NBEAL1: variants seen among roughly 807,000 people sequenced by gnomAD.
NBEAL1 encodes neurobeachin like 1, also known as neurobeachin-like protein 1.
Under a neutral mutation model 351.3 loss-of-function variants are expected in NBEAL1, and 273 were observed. The ratio of observed to expected loss-of-function variants is 0.78; its 90% CI spans 0.70 to 0.86. The LOEUF (loss-of-function observed/expected upper bound fraction) is 0.86, where lower values mean the gene tolerates loss of function less well. NBEAL1 is among the 40% of genes least tolerant of loss of function. The pLI, the probability that NBEAL1 is intolerant of heterozygous loss-of-function variation, is 0.00. For missense variants in NBEAL1, 2,961 were observed against 3,201.3 expected (o/e 0.92, Z 1.81); for synonymous variants, 1,050 against 1,086.4 (o/e 0.97, Z 0.66).
At position 203,108,143 on chromosome 2, in the gene NBEAL1, C is replaced by T; in HGVS notation, c.1904C>T (p.Thr635Ile). 1 of 1,551,588 alleles carries T rather than the reference C, an allele frequency of 6.4e-7. No homozygotes were observed. Among genetic ancestry groups the T allele is most frequent in the Non-Finnish European group, 8.7e-7 (1 of 1,146,746 alleles). ...TTTTGCTTAGACCAGGATCAGTTGACTCTTGGCATTGCTAACAAAGGAGGG... is the reference window on the plus strand; with the variant it reads ...TTTTGCTTAGACCAGGATCAGTTGATTCTTGGCATTGCTAACAAAGGAGGG... ...AWFCLDQDQLTLGIANKGGKR... is the reference protein window; with the variant it reads ...AWFCLDQDQLILGIANKGGKR... The change falls in exon 14 of 56, where the codon ACT (threonine) becomes ATT (isoleucine). Residue 635 changes from threonine (T) to isoleucine (I), a missense_variant. Thr to Ile is a moderately conservative substitution (Grantham distance 89). Transcript: ENST00000683969.
At position 203,093,230 on chromosome 2, in the gene NBEAL1, TAAAAAAAAAAAAAAAA is replaced by T. The variant is rs139917037; in HGVS notation, c.1099-4304_1099-4289del. On this transcript the variant is annotated intron_variant, in intron 10 of 55. Transcript: ENST00000683969. ...CTGGGCGACAGAGGGAGACTCTGTC[TAAAAAAAAAAAAAAAA>T]AAAAAAAAAAAAGAATCTGCTTTAT... 2.1e-3 allele frequency among the ~76,000 whole-genome samples: 105 copies of T among 49,902 alleles called. 1 individual carries two copies. The highest frequency in any genetic ancestry group is 3.2e-3 in the Non-Finnish European group (89 of 27,656). The allele number at this position is 49,902 out of a possible 152,430, so 32.7% of individuals were successfully genotyped here.
intron 26 of NBEAL1, among the ~76,000 whole-genome samples, chr2:203,132,702 TAATGAC>T (rs1489219973): frequency 6.6e-6 from 1 of 152,118 alleles, no homozygotes; most frequent in African/African-American, 2.4e-5. Context: ...TTTCAGTACT[TAATGAC>T]AGACAGTAGA....
chr2:203,070,357 C>CGCTTTTTTTTTTTTTTTTTTTTTTTTT (rs1559345155), intron 7 of NBEAL1, among the ~76,000 whole-genome samples: 1 of 126,204 alleles, frequency 7.9e-6, no homozygotes, highest in African/African-American at 3.0e-5. Context: ...CTCTCTCTCT[C>CGCTTTTTTTTTTTTTTTTTTTTTTTTT]TCTTTTTTTT....
At chr2:203,055,977 C>T (rs973929244) in intron 4 of NBEAL1, among the ~76,000 whole-genome samples, 3 of 151,906 alleles carry the variant, frequency 2.0e-5, no homozygotes, top group Non-Finnish European at 4.4e-5. Context: ...AACCGTAATT[C>T]AAAAAGCAAA....
intron 17 of NBEAL1, 50 bp downstream of exon 17, chr2:203,113,368 T>G: frequency 9.8e-7 from 1 of 1,018,012 alleles, no homozygotes; most frequent in Non-Finnish European, 1.3e-6. Flanking sequence ...TTTTTTTTGT[T>G]GTCTAAATAT....
intron 4 of NBEAL1, among the ~76,000 whole-genome samples, chr2:203,054,603 A>G (rs1200711126): frequency 6.6e-6 from 1 of 151,702 alleles, no homozygotes; most frequent in Admixed American, 6.6e-5. Flanking sequence ...CTTTTGCTCA[A>G]ATTGTGGGTC....
intron 53 of NBEAL1, among the ~76,000 whole-genome samples, chr2:203,209,713 A>ATGTGTGCG (rs2065722064): frequency 7.2e-6 from 1 of 138,578 alleles, no homozygotes; most frequent in East Asian, 2.2e-4. Flanking sequence ...TTTAATTAAT[A>ATGTGTGCG]TGTGTGTGTG....
At position 203,193,805 on chromosome 2, in the gene NBEAL1, C is replaced by T. The variant is rs943747739; in HGVS notation, c.6932C>T (p.Pro2311Leu). 1 of 1,610,496 alleles carries T rather than the reference C, an allele frequency of 6.2e-7. No homozygotes were observed. The highest frequency in any genetic ancestry group is 8.5e-7 in the Non-Finnish European group (1 of 1,178,046). ...AAAATTATTTTGAAGGAACCACACC[C>T]TCCAAGATTATCAGCAGAAGAAGCA... is the stretch of plus-strand genomic sequence containing the variant. Reference protein sequence around the residue: ...TPCQLLKEPHPPRLSAEEAVQ... With the variant: ...TPCQLLKEPHLPRLSAEEAVQ... The change falls in exon 47 of 56, where the codon CCT (proline) becomes CTT (leucine). Residue 2311 changes from proline to leucine, a missense_variant. Coordinates refer to ENST00000683969, the MANE Select transcript of NBEAL1 (RefSeq NM_001378026.1).
rs1370472515 is a variant in NBEAL1 at position 203,138,652 on chromosome 2, T to C, written c.4752T>C (p.Cys1584=). Residue 1584 remains cysteine, a synonymous_variant, in exon 31 of 56, where the codon TGT becomes TGC. Coordinates refer to ENST00000683969, the MANE Select transcript of NBEAL1 (RefSeq NM_001378026.1). ...LLEDMMLLFD[C]LSVCYSESPV... ...AGGATATGATGCTGCTCTTTGACTGTCTGTCAGTCTGCTATTCTGAAAGTC... is the reference window on the plus strand; with the variant it reads ...AGGATATGATGCTGCTCTTTGACTGCCTGTCAGTCTGCTATTCTGAAAGTC... The C allele has an allele frequency of 6.2e-7, 1 of 1,612,228 alleles. No individual in the cohort carries two copies. The highest frequency in any genetic ancestry group is 8.5e-7 in the Non-Finnish European group (1 of 1,179,476).
In NBEAL1 at chr2:203,224,493, CTT is replaced by C. The variant is rs1340349296; in HGVS notation, c.*7142_*7143del. On this transcript the variant is annotated 3_prime_UTR_variant, in exon 56 of 56. Coordinates refer to ENST00000683969, the MANE Select transcript of NBEAL1 (RefSeq NM_001378026.1). ...AATATGAAACATATTTAATTCATCT[CTT>C]TTGTCAGTTTTTCTGGGACTCCAAT... Among the ~76,000 whole-genome samples, 1 of 152,228 alleles carries C rather than the reference CTT, an allele frequency of 6.6e-6. No individual in the cohort carries two copies. Among genetic ancestry groups the C allele is most frequent in the South Asian group, 2.1e-4 (1 of 4,830 alleles).
At chr2:203,139,212 G>C (rs1332783576) in intron 31 of NBEAL1, among the ~76,000 whole-genome samples, 1 of 151,324 alleles carries the variant, frequency 6.6e-6, no homozygotes, top group Admixed American at 6.6e-5. Flanking sequence ...AAAGTACTAA[G>C]CATTGTGCTA....
Position 203,136,770 on chromosome 2 carries a change from C to T in NBEAL1, c.4561C>T (p.Leu1521=). The T allele has an allele frequency of 6.2e-7, 1 of 1,611,748 alleles. No individual in the cohort carries two copies. Among genetic ancestry groups the T allele is most frequent in the Non-Finnish European group, 8.5e-7 (1 of 1,179,014 alleles). Residue 1521 remains leucine (L), a synonymous_variant, in exon 29 of 56, where the codon CTA becomes TTA. Transcript: ENST00000683969. ...ELLRPSDEIK[L]TLLQKMLEWA... Reference sequence around the variant, plus strand: ...ACTTCGACCATCAGATGAAATAAAACTAACGTAAGCATTTAGTTAGTGATT... The same window carrying T: ...ACTTCGACCATCAGATGAAATAAAATTAACGTAAGCATTTAGTTAGTGATT...
In NBEAL1 at chr2:203,078,258, A is replaced by G. The variant is rs2061812214; in HGVS notation, c.684+421A>G. Among the ~76,000 whole-genome samples the G allele has an allele frequency of 2.0e-5, 3 of 152,106 alleles. No homozygotes were observed. In the South Asian group the frequency reaches 6.2e-4, roughly 32 times the overall value. ...TAAGTGTATATGTTTTTTTTTCAAC[A>G]AATCCAACTAGTGTTTTAAAATTTA... On this transcript the variant is annotated intron_variant, in intron 8 of 55. Transcript: ENST00000683969.
At chr2:203,160,397 C>T (rs1248104203) in intron 36 of NBEAL1, among the ~76,000 whole-genome samples, 2 of 151,800 alleles carry the variant, frequency 1.3e-5, no homozygotes, top group African/African-American at 4.8e-5. Context: ...TTTTTTTAAA[C>T]GTTTTTAATT....
At chr2:203,052,833 G>A (rs985214401) in intron 4 of NBEAL1, among the ~76,000 whole-genome samples, 4 of 151,548 alleles carry the variant, frequency 2.6e-5, no homozygotes, top group East Asian at 1.9e-4. Context: ...TGATCCTTCC[G>A]CCTTGACCTC....
At chr2:203,130,233 T>G in intron 24 of NBEAL1, 85 bp from the exon 25 acceptor site, 1 of 1,240,606 alleles carries the variant, frequency 8.1e-7, no homozygotes, top group African/African-American at 1.6e-5. Flanking sequence ...TAGGATTTAA[T>G]TAAATAACTT....
intron 17 of NBEAL1, among the ~76,000 whole-genome samples, chr2:203,114,479 T>A (rs1475157204): frequency 6.6e-6 from 1 of 152,224 alleles, no homozygotes. Context: ...GTTTGCAAAC[T>A]GTTTTTCATT....
intron 51 of NBEAL1, among the ~76,000 whole-genome samples, chr2:203,206,199 A>C (rs2065550928): frequency 6.6e-6 from 1 of 152,240 alleles, no homozygotes; most frequent in South Asian, 2.1e-4. Flanking sequence ...GAAGAAAACG[A>C]AGGTTGCAGA....
In NBEAL1 at chr2:203,126,108, C is replaced by T. The variant is rs146203086; in HGVS notation, c.2985+15C>T. 152 of 1,530,230 alleles carry T rather than the reference C, an allele frequency of 9.9e-5. No homozygotes were observed. The highest frequency in any genetic ancestry group is 1.3e-4 in the Non-Finnish European group (150 of 1,139,636). 94.8% of individuals were successfully genotyped at this position (1,530,230 alleles called of 1,614,324 possible). A position where few individuals can be genotyped will look rare whatever the true frequency, so the allele number is the denominator to read the frequency against. On this transcript the variant is annotated intron_variant, in intron 21 of 55. Transcript: ENST00000683969. ...TACTTCAGAAGGTGAGCCAGTCTAA[C>T]ATTGTGTTGATGTAGCTAATAATTG...
Sources: gnomAD v4.1 joint callset for allele counts (sites outside exome capture counted in the v4.1 genomes callset) on GRCh38, gnomAD v4.1.1 for gene constraint, MANE v1.5 for transcripts, NCBI Gene and HGNC (gene_info 2026-07-23, HGNC 2026-07-21) for gene names.